MBNL2: variants seen among roughly 807,000 people sequenced by gnomAD.
The protein encoded by MBNL2 is muscleblind-like protein 2.
In MBNL2, 17 loss-of-function variants were observed where a neutral mutation model predicts 41.9. That is an observed-to-expected ratio of 0.41 (90% CI 0.28 to 0.61). MBNL2 has a LOEUF of 0.61. MBNL2 is among the 20% of genes least tolerant of loss of function. The pLI is 0.35. For synonymous variants in MBNL2, 195 were observed against 182.9 expected (o/e 1.07, Z -0.53); for missense variants, 336 against 505.6 (o/e 0.66, Z 3.22).
the MBNL2 span, among the ~76,000 whole-genome samples, chr13:97,201,898 T>G: frequency 1.3e-5 from 2 of 152,186 alleles, no homozygotes; most frequent in Non-Finnish European, 2.9e-5. Context: ...CATTTAAGTG[T>G]TAATGCTGGA....
rs2061892223 is a variant in MBNL2 at position 97,346,552 on chromosome 13, G to T, written c.541-252G>T. 6.6e-6 allele frequency among the ~76,000 whole-genome samples: 1 copy of T among 152,156 alleles called. No individual in the cohort carries two copies. On this transcript the variant is annotated intron_variant, in intron 4 of 8. Transcript: ENST00000679496. This position sits in a 1 kb window ranked among gnomAD's most constrained non-coding sequence, Gnocchi z 4.2. The stretch of plus-strand genomic sequence containing the variant: ...TTGTTGCTTTTCCTTTGTTATTTTA[G>T]CTGAACTGCAGATTTCGTATTATTT...
intron 8 of MBNL2, among the ~76,000 whole-genome samples, chr13:97,372,551 C>T (rs1174330640): frequency 6.6e-6 from 1 of 152,160 alleles, no homozygotes; most frequent in Non-Finnish European, 1.5e-5. Context: ...CATATACATA[C>T]AGCCCTCTAT....
chr13:97,161,387 T>G, the MBNL2 span, among the ~76,000 whole-genome samples: 1 of 152,150 alleles, frequency 6.6e-6, no homozygotes, highest in Admixed American at 6.5e-5. Context: ...GTAAGGATAG[T>G]CTTTGAGTAG....
intron 8 of MBNL2, among the ~76,000 whole-genome samples, chr13:97,382,132 T>C (rs779851762): frequency 2.0e-4 from 30 of 152,214 alleles, no homozygotes; most frequent in Non-Finnish European, 2.9e-4. Context: ...CTTGATTTAG[T>C]AGAGGAATTT....
the MBNL2 span, among the ~76,000 whole-genome samples, chr13:97,158,839 G>A: frequency 8.6e-5 from 13 of 151,966 alleles, no homozygotes; most frequent in African/African-American, 3.1e-4. Context: ...TTTGGAATAG[G>A]TGTGGTGTGG....
the MBNL2 span, among the ~76,000 whole-genome samples, chr13:97,211,215 C>T: frequency 6.6e-6 from 1 of 151,040 alleles, no homozygotes; most frequent in South Asian, 2.1e-4. Context: ...TCTTCTAGCC[C>T]TAGGATCCAT....
At chr13:97,197,200 A>G in the MBNL2 span, among the ~76,000 whole-genome samples, 1 of 152,132 alleles carries the variant, frequency 6.6e-6, no homozygotes. Context: ...AGGTAGATAC[A>G]TTGTCTTGAT....
At chr13:97,199,006 G>A in the MBNL2 span, among the ~76,000 whole-genome samples, 1 of 152,202 alleles carries the variant, frequency 6.6e-6, no homozygotes, top group African/African-American at 2.4e-5. Flanking sequence ...ACAAGCCATA[G>A]ATCTTACAAA....
At chr13:97,210,369 T>G in the MBNL2 span, among the ~76,000 whole-genome samples, 1 of 152,158 alleles carries the variant, frequency 6.6e-6, no homozygotes, top group Non-Finnish European at 1.5e-5. Flanking sequence ...ACATGACGGT[T>G]AGTGTGTGAT....
intron 1 of MBNL2, among the ~76,000 whole-genome samples, chr13:97,273,182 C>T (rs1240645610): frequency 6.6e-6 from 1 of 152,220 alleles, no homozygotes; most frequent in Non-Finnish European, 1.5e-5. Context: ...GGTCCTGGTA[C>T]TGAGGACTTG....
the MBNL2 span, among the ~76,000 whole-genome samples, chr13:97,142,407 G>A: frequency 8.5e-5 from 13 of 152,342 alleles, no homozygotes; most frequent in Admixed American, 3.9e-4. Flanking sequence ...TGAAGGCAAG[G>A]ACCTTGTCTA....
At chr13:97,335,044 G>A (rs145848386) in intron 3 of MBNL2, among the ~76,000 whole-genome samples, 202 of 152,324 alleles carry the variant, frequency 1.3e-3, no homozygotes, top group African/African-American at 4.7e-3. Flanking sequence ...GTCTCAACCT[G>A]CCTTTCAGAG....
the MBNL2 span, among the ~76,000 whole-genome samples, chr13:97,190,211 CG>C: frequency 6.6e-6 from 1 of 152,182 alleles, no homozygotes; most frequent in Non-Finnish European, 1.5e-5. Context: ...AGGATGCTGA[CG>C]GTGATCTGAG....
At chr13:97,176,565 A>G in the MBNL2 span, among the ~76,000 whole-genome samples, 103 of 152,274 alleles carry the variant, frequency 6.8e-4, no homozygotes, top group Middle Eastern at 3.4e-3. Flanking sequence ...AGAGGATGCA[A>G]TACTCACCTG....
Position 97,334,456 on chromosome 13 carries a change from T to C in MBNL2, c.339+16T>C, listed in dbSNP as rs766875227. ...TCATCCAGTGGTGAGTACATCTTTA[T>C]TCAGTGATGAGTTGGATGGTTACAG... On this transcript the variant is annotated intron_variant, in intron 3 of 8. Coordinates refer to ENST00000679496, the MANE Select transcript of MBNL2 (RefSeq NM_001382683.1). The surrounding 1 kb of genome is among the most constrained non-coding windows in gnomAD (Gnocchi z 5.3). The C allele has an allele frequency of 1.9e-6, 3 of 1,593,222 alleles. No individual in the cohort carries two copies. Among genetic ancestry groups the C allele is most frequent in the South Asian group, 2.3e-5 (2 of 87,702 alleles).
At chr13:97,199,383 T>A in the MBNL2 span, among the ~76,000 whole-genome samples, 1 of 152,210 alleles carries the variant, frequency 6.6e-6, no homozygotes, top group Admixed American at 6.5e-5. Flanking sequence ...TGATCTGATG[T>A]CTGTCTCCCT....
At chr13:97,225,508 C>CT (rs1046537315) in intron 1 of MBNL2, among the ~76,000 whole-genome samples, 12 of 152,134 alleles carry the variant, frequency 7.9e-5, no homozygotes, top group East Asian at 1.9e-4. Context: ...TTTTGGGGGC[C>CT]TTTACCATCT....
At chr13:97,287,939 G>GTTTTTTTTTTTTTTTTTT (rs139487015) in intron 2 of MBNL2, among the ~76,000 whole-genome samples, 3 of 114,094 alleles carry the variant, frequency 2.6e-5, no homozygotes, top group African/African-American at 1.2e-4. Flanking sequence ...GTTTTGTTTT[G>GTTTTTTTTTTTTTTTTTT]TTTTTTTTTT....
intron 5 of MBNL2, among the ~76,000 whole-genome samples, chr13:97,348,189 C>T (rs2153090336): frequency 6.6e-6 from 1 of 151,790 alleles, no homozygotes; most frequent in Middle Eastern, 3.4e-3. Context: ...ATCCTCCCAC[C>T]TCAGCCTCCT....
Sources: gnomAD v4.1 joint callset for allele counts (sites outside exome capture counted in the v4.1 genomes callset) on GRCh38, gnomAD v4.1.1 for gene constraint, Gnocchi (gnomAD v3.1) non-coding constraint, MANE v1.5 for transcripts, NCBI Gene and HGNC (gene_info 2026-07-23, HGNC 2026-07-21) for gene names.